Variants in SPTA1 observed in about 807,000 individuals in gnomAD.
The protein encoded by SPTA1 is spectrin alpha chain, erythrocytic 1.
In SPTA1, 177 loss-of-function variants were observed where a neutral mutation model predicts 324.7. The ratio of observed to expected loss-of-function variants is 0.55; its 90% CI spans 0.48 to 0.62. SPTA1 has a LOEUF of 0.62. SPTA1 is among the 20% of genes least tolerant of loss of function. The probability of loss-of-function intolerance (pLI) is 0.00; values close to 1 mark genes in which losing one functional copy is unlikely to be tolerated. For synonymous variants in SPTA1, 1,195 were observed against 1,041.3 expected (o/e 1.15, Z -2.84); for missense variants, 3,162 against 2,883.6 (o/e 1.10, Z -2.21).
chr1:158,635,802 T>G (rs184246248), intron 38 of SPTA1, 111 bp downstream of exon 38: 1 of 1,501,598 alleles, frequency 6.7e-7, no homozygotes, highest in African/African-American at 1.4e-5. Flanking sequence ...AGGAGATAGA[T>G]AGGTAGTTGG....
At chr1:158,649,432 A>T (rs778630815) in intron 25 of SPTA1, among the ~76,000 whole-genome samples, 1 of 152,130 alleles carries the variant, frequency 6.6e-6, no homozygotes, top group Non-Finnish European at 1.5e-5. Context: ...GGCCTGTGCC[A>T]CCACACTGGG....
chr1:158,627,849 GC>G, intron 39 of SPTA1, 126 bp from the exon 40 acceptor site: 1 of 871,100 alleles, frequency 1.1e-6, no homozygotes, highest in Non-Finnish European at 1.9e-6. Context: ...CTAGGTGAAT[GC>G]CCACTTTTTC....
At chr1:158,617,683 C>T in intron 46 of SPTA1, 95 bp from the exon 47 acceptor site, 1 of 1,265,398 alleles carries the variant, frequency 7.9e-7, no homozygotes, top group Non-Finnish European at 1.1e-6. Context: ...TTCAACTTCT[C>T]CAAGGTTATG....
intron 47 of SPTA1, among the ~76,000 whole-genome samples, chr1:158,616,835 A>C (rs149793514): frequency 6.6e-6 from 1 of 152,172 alleles, no homozygotes; most frequent in Non-Finnish European, 1.5e-5. Context: ...AGGAATTTCC[A>C]TACTGGTTTC....
In SPTA1 at chr1:158,611,394, A is replaced by G. The variant is rs777231371; in HGVS notation, c.7135-5T>C. ...CACTTGCTCTGGGGTAAGGGCCTGA[A>G]AAGTATAAAAAGAGAAAAATACAGT... On this transcript the variant is annotated splice_region_variant and splice_polypyrimidine_tract_variant and intron_variant, in intron 51 of 51. Transcript: ENST00000643759. The G allele has an allele frequency of 2.5e-6, 4 of 1,613,404 alleles. No homozygotes were observed. The highest frequency in any genetic ancestry group is 8.5e-7 in the Non-Finnish European group (1 of 1,179,532).
Position 158,611,130 on chromosome 1 carries a change from A to AACACACAC in SPTA1, c.*133_*134insGTGTGTGT. ...TAAATGTAATATGCACACAAACACA[A>AACACACAC]GCACACACACACACACACACACACA... On this transcript the variant is annotated 3_prime_UTR_variant, in exon 52 of 52. Transcript: ENST00000643759. 1.1e-6 allele frequency: 1 copy of AACACACAC among 879,168 alleles called. No individual in the cohort carries two copies. Among genetic ancestry groups the AACACACAC allele is most frequent in the Non-Finnish European group, 1.7e-6 (1 of 605,394 alleles). The allele number at this position is 879,168 out of a possible 1,614,324, so 54.5% of individuals were successfully genotyped here.
intron 36 of SPTA1, among the ~76,000 whole-genome samples, chr1:158,637,261 C>T (rs1349189645): frequency 6.6e-6 from 1 of 152,176 alleles, no homozygotes; most frequent in Non-Finnish European, 1.5e-5. Context: ...TCGAAGACTA[C>T]ATGGACAAGA....
intron 47 of SPTA1, among the ~76,000 whole-genome samples, chr1:158,615,795 A>G (rs755516544): frequency 2.0e-5 from 3 of 152,180 alleles, no homozygotes; most frequent in Admixed American, 1.3e-4. Context: ...TGCATCATCA[A>G]TGGCTCACAG....
intron 22 of SPTA1, 137 bp downstream of exon 22, chr1:158,653,137 G>T: frequency 2.2e-6 from 3 of 1,376,318 alleles, no homozygotes; most frequent in Non-Finnish European, 3.1e-6. Context: ...AAGATTCTAG[G>T]TTTACTTTCG....
intron 45 of SPTA1, 51 bp from the exon 46 acceptor site, chr1:158,618,107 T>C (rs780419930): frequency 6.5e-7 from 1 of 1,536,418 alleles, no homozygotes; most frequent in Admixed American, 1.7e-5. Flanking sequence ...AGGGAGATGA[T>C]ATGTTAAAAT....
intron 34 of SPTA1, 72 bp downstream of exon 34, chr1:158,639,798 C>G: frequency 6.2e-7 from 1 of 1,612,854 alleles, no homozygotes; most frequent in Non-Finnish European, 8.5e-7. Context: ...GGAAATTGCC[C>G]ATGGGTAAAT....
chr1:158,617,972 T>C, intron 46 of SPTA1, 67 bp downstream of exon 46: 1 of 1,462,718 alleles, frequency 6.8e-7, no homozygotes, highest in Non-Finnish European at 9.6e-7. Flanking sequence ...CAGCACTAAC[T>C]CTTTCTTAAC....
At chr1:158,667,755 A>G (rs2101904020) in intron 15 of SPTA1, 103 bp downstream of exon 15, 1 of 1,248,934 alleles carries the variant, frequency 8.0e-7, no homozygotes, top group Non-Finnish European at 1.1e-6. Context: ...TGAGTAGTAT[A>G]CCTTCTCATA....
rs1341147461 is a variant in SPTA1 at position 158,661,314 on chromosome 1, C to T, written c.2560G>A (p.Glu854Lys). 2 of 1,613,916 alleles carry T rather than the reference C, an allele frequency of 1.2e-6. No individual in the cohort carries two copies. The highest frequency in any genetic ancestry group is 2.2e-5 in the South Asian group (2 of 91,068). The change falls in exon 18 of 52, where the codon GAA (glutamate) becomes AAA (lysine). Residue 854 changes from glutamate to lysine, a missense_variant. Transcript: ENST00000643759. The stretch of plus-strand genomic sequence containing the variant: ...TCCTCTACCATTTTGTTTCCCCTTT[C>T]TGTTATCTCTTGAATGCGTGGTTCA... ...SHEPRIQEIT[E>K]RGNKMVEEGH...
At chr1:158,617,457 C>G (rs1649626813) in intron 47 of SPTA1, 80 bp downstream of exon 47, 2 of 1,202,676 alleles carry the variant, frequency 1.7e-6, no homozygotes, top group African/African-American at 1.5e-5. Flanking sequence ...AAAGTATCAC[C>G]TGGGCTTCCC....
Position 158,678,554 on chromosome 1 carries a change from C to G in SPTA1, c.679-20G>C. ...GTTTTCCTGTTGAAGGAAAACAACA[C>G]TGGAGTTATACAGAGATGAGATTAT... On this transcript the variant is annotated intron_variant, in intron 5 of 51. Coordinates refer to ENST00000643759, the MANE Select transcript of SPTA1 (RefSeq NM_003126.4). 1 of 1,612,428 alleles carries G rather than the reference C, an allele frequency of 6.2e-7. No homozygotes were observed. The highest frequency in any genetic ancestry group is 1.1e-5 in the South Asian group (1 of 91,042).
rs376306285 is a variant in SPTA1 at position 158,674,106 on chromosome 1, T to G, written c.1350+223A>C. ...CAAATATTATGCCGTTTCTTGAGCA[T>G]CTGCAGATTTTGGCACCTGAGGGAG... On this transcript the variant is annotated intron_variant, in intron 10 of 51. Transcript: ENST00000643759. Among the ~76,000 whole-genome samples the G allele has an allele frequency of 5.3e-5, 8 of 152,298 alleles. No individual in the cohort carries two copies. In the South Asian group the frequency reaches 1.5e-3, roughly 28 times the overall value.
At chr1:158,629,128 T>C (rs1486378210) in intron 39 of SPTA1, among the ~76,000 whole-genome samples, 1 of 138,496 alleles carries the variant, frequency 7.2e-6, no homozygotes, top group Non-Finnish European at 1.6e-5. Context: ...AATAGATAGA[T>C]AGATAGATGA....
rs6702040 is a variant in SPTA1 at position 158,644,408 on chromosome 1, C to T, written c.4195-12G>A. 485,146 of 1,612,488 alleles carry T rather than the reference C, an allele frequency of 0.3. 75,454 individuals carry two copies. Among genetic ancestry groups the T allele is most frequent in the African/African-American group, 0.46 (34,740 of 74,784 alleles). The stretch of plus-strand genomic sequence containing the variant: ...TTCCCCTGGAACATCTATGAGGAAT[C>T]AAATGAGAGGGGTATGGTATAGTCC... On this transcript the variant is annotated splice_polypyrimidine_tract_variant and intron_variant, in intron 29 of 51. Coordinates refer to ENST00000643759, the MANE Select transcript of SPTA1 (RefSeq NM_003126.4).
Sources: gnomAD v4.1 joint callset for allele counts (sites outside exome capture counted in the v4.1 genomes callset) on GRCh38, gnomAD v4.1.1 for gene constraint, MANE v1.5 for transcripts, NCBI Gene and HGNC (gene_info 2026-07-23, HGNC 2026-07-21) for gene names.